SYCE1: variants seen among roughly 807,000 people sequenced by gnomAD.
The protein encoded by SYCE1 is cancer/testis antigen 76.
A neutral mutation model predicts 55.1 loss-of-function variants in SYCE1; 37 were observed. The observed-to-expected ratio is 0.67, with a 90% CI of 0.52 to 0.88. The LOEUF is 0.88. SYCE1 is among the 40% of genes least tolerant of loss of function. The pLI is 0.00. For missense variants in SYCE1, 399 were observed against 416.4 expected (o/e 0.96, Z 0.36); for synonymous variants, 163 against 159.4 (o/e 1.02, Z -0.17).
intron 1 of SYCE1, chr10:133,561,361 G>A (rs544774128): frequency 1.3e-5 from 2 of 152,192 alleles, no homozygotes; most frequent in African/African-American, 4.8e-5. Flanking sequence ...AATATGACAA[G>A]TTGCTGAGTT....
chr10:133,561,868 A>T (rs538759136), intron 1 of SYCE1, among the ~76,000 whole-genome samples: 2 of 152,222 alleles, frequency 1.3e-5, no homozygotes, highest in South Asian at 2.1e-4. Context: ...AATTATGTGG[A>T]ACAAGGCCTC....
intron 4 of SYCE1, 112 bp from the exon 5 acceptor site, chr10:133,558,326 T>A: frequency 1.6e-6 from 2 of 1,236,150 alleles, no homozygotes; most frequent in Non-Finnish European, 2.4e-6. Flanking sequence ...CCAACCCAAA[T>A]GTGAACCCTT....
At position 133,555,893 on chromosome 10, in the gene SYCE1, G is replaced by C; in HGVS notation, c.606C>G (p.Val202=). The part of the protein sequence containing the change: ...KEQLLKEEKL[V]KATLEDVKHQ... ...GCTTCACGTCTTCCAGTGTCGCCTT[G>C]ACCAGCTTCTCTGCAGCACAAAGGG... The change falls in exon 10 of 13, where the codon GTC becomes GTG. Residue 202 remains valine, a synonymous_variant. Transcript: ENST00000343131. The C allele has an allele frequency of 6.2e-7, 1 of 1,613,984 alleles. No individual in the cohort carries two copies. The highest frequency in any genetic ancestry group is 1.1e-5 in the South Asian group (1 of 91,008).
chr10:133,557,653 C>T (rs1433059347), intron 6 of SYCE1: 6 of 602,278 alleles, frequency 1.0e-5, no homozygotes, highest in Admixed American at 3.0e-5. Context: ...ATTTAATTGA[C>T]AATTTAGCAA....
intron 1 of SYCE1, among the ~76,000 whole-genome samples, chr10:133,562,796 G>T (rs1466467230): frequency 2.0e-5 from 3 of 152,088 alleles, no homozygotes; most frequent in Admixed American, 6.5e-5. Context: ...GCAGACCCAG[G>T]ATTCAGTGTG....
At position 133,555,987 on chromosome 10, in the gene SYCE1, T is replaced by G; in HGVS notation, c.589A>C (p.Lys197Gln). The G allele has an allele frequency of 6.2e-7, 1 of 1,614,196 alleles. No homozygotes were observed. The highest frequency in any genetic ancestry group is 8.5e-7 in the Non-Finnish European group (1 of 1,180,028). Reference protein sequence around the residue: ...ALDSSKEQLLKEEKLVKATLE... With the variant: ...ALDSSKEQLLQEEKLVKATLE... ...CCACCTTCCCTGGTCTCACCTTCCT[T>G]GAGCAGCTGCTCCTTGCTGCTGTCC... is the stretch of plus-strand genomic sequence containing the variant. The change falls in exon 9 of 13, where the codon AAG becomes CAG. Residue 197 changes from lysine (K) to glutamine (Q), a missense_variant. Physicochemically the swap from Lys to Gln is moderately conservative, Grantham distance 53. Coordinates refer to ENST00000343131, the MANE Select transcript of SYCE1 (RefSeq NM_001143764.3).
At chr10:133,562,966 C>CTA (rs1040769874) in intron 1 of SYCE1, among the ~76,000 whole-genome samples, 9 of 64,290 alleles carry the variant, frequency 1.4e-4, no homozygotes, top group African/African-American at 2.6e-4. Flanking sequence ...CAAACCATAT[C>CTA]ACAGGCCAAG....
chr10:133,566,585 G>A (rs986127295), upstream of SYCE1, among the ~76,000 whole-genome samples: 23 of 119,424 alleles, frequency 1.9e-4, no homozygotes, highest in Non-Finnish European at 3.9e-4. Flanking sequence ...TTACGGTTAG[G>A]GTCAGGGTTT....
intron 1 of SYCE1, among the ~76,000 whole-genome samples, chr10:133,564,014 C>G (rs1851872031): frequency 6.6e-6 from 1 of 151,990 alleles, no homozygotes; most frequent in Admixed American, 6.6e-5. Flanking sequence ...AACAGATAGA[C>G]TAAAACTGGA....
chr10:133,559,275 C>T (rs1851763702), intron 3 of SYCE1, 26 bp downstream of exon 3: 1 of 1,613,444 alleles, frequency 6.2e-7, no homozygotes, highest in East Asian at 2.2e-5. Context: ...CTGGTCCTAG[C>T]TGGCAGCCAA....
chr10:133,564,492 G>A (rs1851881991), intron 1 of SYCE1: 5 of 923,160 alleles, frequency 5.4e-6, no homozygotes, highest in Non-Finnish European at 6.5e-6. Flanking sequence ...AAAGGGATAC[G>A]TTTGCGTCTG....
chr10:133,566,959 GGGT>G (rs1445386928), upstream of SYCE1, among the ~76,000 whole-genome samples: 4 of 151,588 alleles, frequency 2.6e-5, no homozygotes, highest in African/African-American at 9.7e-5. Flanking sequence ...TCAGGGTTTG[GGGT>G]GGGGTAGTGG....
chr10:133,568,254 G>A (rs772954109), upstream of SYCE1: 28 of 1,421,678 alleles, frequency 2.0e-5, no homozygotes, highest in Middle Eastern at 1.7e-4. Context: ...CCTCCAGGCC[G>A]CGTTCCCCGG....
chr10:133,562,560 G>A (rs1851840972), intron 1 of SYCE1, among the ~76,000 whole-genome samples: 1 of 152,018 alleles, frequency 6.6e-6, no homozygotes, highest in Non-Finnish European at 1.5e-5. Context: ...GTTTTTCCTT[G>A]TGTATCCCCA....
intron 1 of SYCE1, chr10:133,564,485 G>A (rs1036262784): frequency 2.1e-6 from 2 of 957,210 alleles, no homozygotes; most frequent in Admixed American, 6.2e-5. Context: ...CTTAATGAAA[G>A]GGATACGTTT....
At chr10:133,554,078 G>A (rs559152785), downstream of SYCE1, 14 of 433,862 alleles carry the variant, frequency 3.2e-5, no homozygotes, top group African/African-American at 2.4e-4. Context: ...GTTTTAAAAT[G>A]TGGTGTCTTC....
Position 133,560,002 on chromosome 10 carries a change from A to G in SYCE1, c.136+89T>C, listed in dbSNP as rs1851783436. On this transcript the variant is annotated intron_variant, in intron 2 of 12. Transcript: ENST00000343131. ...GAGAAGGTGAAGAGGATTATTTCCC[A>G]AATTCGTACATTGTGGGGCCTGAAA... 4.9e-5 allele frequency: 54 copies of G among 1,100,348 alleles called. 1 individual carries two copies. The South Asian group carries it at 7.2e-4, about 15-fold the overall frequency. 68.2% of individuals were successfully genotyped at this position (1,100,348 alleles called of 1,614,324 possible). A position where few individuals can be genotyped will look rare whatever the true frequency, so the allele number is the denominator to read the frequency against.
rs1291908123 is a variant in SYCE1, at chr10:133,555,060, C to T, written c.988G>A (p.Gly330Ser). The T allele has an allele frequency of 6.4e-7, 1 of 1,551,416 alleles. No homozygotes were observed. The highest frequency in any genetic ancestry group is 1.4e-5 in the African/African-American group (1 of 73,038). Reference sequence around the variant, plus strand: ...TCGGGGTGGAGTGTGTCCTCCTGGCCTATGAGGACATCAGGCCCTGCTTGG... The same window carrying T: ...TCGGGGTGGAGTGTGTCCTCCTGGCTTATGAGGACATCAGGCCCTGCTTGG... ...AHQAGPDVLI[G>S]QEDTLHPDLS... Residue 330 changes from glycine to serine, a missense_variant, in exon 13 of 13, where the codon GGC (glycine) becomes AGC (serine). Transcript: ENST00000343131.
chr10:133,556,500 T>TTGTGCCCGTG, intron 8 of SYCE1: 1 of 559,142 alleles, frequency 1.8e-6, no homozygotes, highest in South Asian at 2.1e-5. Context: ...GTTGTCTCCT[T>TTGTGCCCGTG]TGTGCCCGTG....
Sources: gnomAD v4.1 joint callset for allele counts (sites outside exome capture counted in the v4.1 genomes callset) on GRCh38, gnomAD v4.1.1 for gene constraint, MANE v1.5 for transcripts, NCBI Gene and HGNC (gene_info 2026-07-23, HGNC 2026-07-21) for gene names.